The following SYK variants were observed in gnomAD, a reference collection of about 807,000 sequenced individuals.
SYK encodes the protein spleen associated tyrosine kinase, also known as tyrosine-protein kinase SYK.
SYK carries 16 observed loss-of-function variants against 77.8 expected under a neutral mutation model. That is an observed-to-expected ratio of 0.21 (90% CI 0.14 to 0.31). SYK has a LOEUF of 0.31. Ranked by LOEUF, SYK falls within the 10% of genes least tolerant of loss-of-function variation. The pLI, the probability that SYK is intolerant of heterozygous loss-of-function variation, is 1.00. For synonymous variants in SYK, 312 were observed against 308.7 expected, an observed-to-expected ratio of 1.01 and a Z score of -0.11; for missense variants, 529 against 814.4, an observed-to-expected ratio of 0.65 and a Z score of 4.26.
At chr9:90,839,653 C>T (rs1826220151) in intron 1 of SYK, among the ~76,000 whole-genome samples, 2 of 152,150 alleles carry the variant, frequency 1.3e-5, no homozygotes, top group Non-Finnish European at 2.9e-5. Flanking sequence ...AGTATTTGCT[C>T]TCATTTTATT....
intron 1 of SYK, among the ~76,000 whole-genome samples, chr9:90,841,678 TTGTG>T (rs1826354018): frequency 6.6e-6 from 1 of 150,640 alleles, no homozygotes; most frequent in Non-Finnish European, 1.5e-5. Flanking sequence ...TGTATGTAGT[TTGTG>T]TGTGATATGT....
chr9:90,801,837 G>A lies in SYK; in HGVS notation c.-98G>A, dbSNP rs1217095450. On this transcript the variant is annotated 5_prime_UTR_variant, in exon 1 of 14. Coordinates refer to ENST00000375754, the MANE Select transcript of SYK (RefSeq NM_003177.7). ...TGAGGCCACCCCGGCGGCGGCTGGA[G>A]AGCGAGGAGGAGCGGGTGGCCCCGC... 2 of 152,368 alleles carry A rather than the reference G, an allele frequency of 1.3e-5. No individual in the cohort carries two copies. Among genetic ancestry groups the A allele is most frequent in the East Asian group, 3.9e-4 (2 of 5,182 alleles). 9.4% of individuals were successfully genotyped at this position (152,368 alleles called of 1,614,324 possible). A position where few individuals can be genotyped will look rare whatever the true frequency, so the allele number is the denominator to read the frequency against.
intron 3 of SYK, among the ~76,000 whole-genome samples, chr9:90,861,524 TCCA>T (rs2118777851): frequency 5.5e-5 from 2 of 36,162 alleles, no homozygotes; most frequent in East Asian, 4.9e-3. Flanking sequence ...AGCTTGGAAG[TCCA>T]GCCCTGCCTC....
At chr9:90,807,074 A>C (rs1481706495) in intron 1 of SYK, among the ~76,000 whole-genome samples, 1 of 152,232 alleles carries the variant, frequency 6.6e-6, no homozygotes, top group Non-Finnish European at 1.5e-5. Context: ...AAGCAGGGAT[A>C]AATATCATGG....
In SYK at chr9:90,844,170, A is replaced by G; in HGVS notation, c.272A>G (p.Tyr91Cys). The change falls in exon 2 of 14, where the codon TAC (tyrosine) becomes TGC (cysteine). Residue 91 changes from tyrosine (Y) to cysteine (C), a missense_variant. Tyr to Cys is a radical substitution (Grantham distance 194, BLOSUM62 -2). This residue lies in a region of SYK where 321 missense variants were observed against 433.1 expected (regional missense o/e 0.74). Transcript: ENST00000375754. Reference protein sequence around the residue: ...THASPADLCHYHSQESDGLVC... With the variant: ...THASPADLCHCHSQESDGLVC... ...GCCAGCCCCGCCGACCTCTGCCACT[A>G]CCACTCCCAGGAGTCTGATGGCCTG... 1.2e-6 allele frequency: 2 copies of G among 1,614,168 alleles called. No individual in the cohort carries two copies. Among genetic ancestry groups the G allele is most frequent in the Non-Finnish European group, 1.7e-6 (2 of 1,180,010 alleles).
At chr9:90,856,661 T>A (rs1188485821) in intron 3 of SYK, among the ~76,000 whole-genome samples, 1 of 152,204 alleles carries the variant, frequency 6.6e-6, no homozygotes, top group Non-Finnish European at 1.5e-5. Context: ...TATTGGTTGC[T>A]AATTTCCATG....
chr9:90,875,414 C>CA lies in SYK; in HGVS notation c.1181+573dup, dbSNP rs201486869. Among the ~76,000 whole-genome samples, 213 of 131,144 alleles carry CA rather than the reference C, an allele frequency of 1.6e-3. 2 individuals carry two copies. The highest frequency in any genetic ancestry group is 5.5e-3 in the African/African-American group (192 of 34,896). The allele number at this position is 131,144 out of a possible 152,430, so 86.0% of individuals were successfully genotyped here. On this transcript the variant is annotated intron_variant, in intron 9 of 13. Coordinates refer to ENST00000375754, the MANE Select transcript of SYK (RefSeq NM_003177.7). The stretch of plus-strand genomic sequence containing the variant: ...CAAGGCCCTGTTTCAAAAAACAAAA[C>CA]AAAAAAAAGAAAAGAAGAACATCAT...
rs1587936355 is a variant in SYK, at chr9:90,896,801, T to C, written c.*1201T>C. The C allele has an allele frequency of 4.6e-6, 1 of 218,092 alleles. No individual in the cohort carries two copies. The highest frequency in any genetic ancestry group is 2.2e-5 in the African/African-American group (1 of 44,604). The allele number at this position is 218,092 out of a possible 1,614,324, so 13.5% of individuals were successfully genotyped here. On this transcript the variant is annotated 3_prime_UTR_variant, in exon 14 of 14. Transcript: ENST00000375754. The stretch of plus-strand genomic sequence containing the variant: ...CAGCACTTTAGGAGGCCGAGGCGGG[T>C]GGATCACTTGAGGTAAGGAGTTTGA...
At chr9:90,838,636 T>G (rs990022408) in intron 1 of SYK, among the ~76,000 whole-genome samples, 2 of 152,030 alleles carry the variant, frequency 1.3e-5, no homozygotes, top group Non-Finnish European at 2.9e-5. Flanking sequence ...GGGGTACAGG[T>G]GGAGTTAAGG....
rs3056977 is a variant in SYK, at chr9:90,846,699, T to TAAAAAA, written c.578+1118_578+1123dup. ...AAAGAAAAATTGACCACAATACTCT[T>TAAAAAA]AAAAAAAAAAAAAAAAAAGGAAGAA... On this transcript the variant is annotated intron_variant, in intron 3 of 13. Coordinates refer to ENST00000375754, the MANE Select transcript of SYK (RefSeq NM_003177.7). 1.3e-4 allele frequency among the ~76,000 whole-genome samples: 17 copies of TAAAAAA among 129,046 alleles called. No homozygotes were observed. The East Asian group carries it at 2.9e-3, about 22-fold the overall frequency. The allele number at this position is 129,046 out of a possible 152,430, so 84.7% of individuals were successfully genotyped here.
intron 1 of SYK, among the ~76,000 whole-genome samples, chr9:90,825,131 A>AC (rs1056422233): frequency 3.3e-5 from 5 of 152,146 alleles, no homozygotes; most frequent in South Asian, 2.1e-4. Flanking sequence ...AAAAAAAAAA[A>AC]ACACAAGAAA....
chr9:90,818,748 C>G (rs1825394326), intron 1 of SYK, among the ~76,000 whole-genome samples: 1 of 152,156 alleles, frequency 6.6e-6, no homozygotes, highest in African/African-American at 2.4e-5. Flanking sequence ...AAGCTATAAC[C>G]TTTTATGGAT....
chr9:90,879,037 T>C, intron 11 of SYK, 84 bp downstream of exon 11: 13 of 1,113,680 alleles, frequency 1.2e-5, no homozygotes, highest in Non-Finnish European at 1.7e-5. Context: ...TTATTATTGG[T>C]ATGGTTTCAA....
intron 3 of SYK, among the ~76,000 whole-genome samples, chr9:90,848,044 G>A (rs1415267505): frequency 6.6e-6 from 1 of 152,136 alleles, no homozygotes; most frequent in Admixed American, 6.5e-5. Context: ...CTTCCTTGTT[G>A]CAGTGTAGTG....
chr9:90,863,620 C>G (rs1437287804), intron 4 of SYK, among the ~76,000 whole-genome samples: 1 of 152,144 alleles, frequency 6.6e-6, no homozygotes, highest in East Asian at 1.9e-4. Context: ...TCATCATTAA[C>G]CACAGGCTTC....
intron 1 of SYK, among the ~76,000 whole-genome samples, chr9:90,822,086 G>T (rs946184868): frequency 6.6e-6 from 1 of 152,152 alleles, no homozygotes. Context: ...GCTACTACTT[G>T]CTAATTCAGT....
intron 1 of SYK, among the ~76,000 whole-genome samples, chr9:90,820,645 AC>A (rs141963401): frequency 0.016 from 2,370 of 151,920 alleles, 60 homozygotes; most frequent in African/African-American, 0.054. Context: ...CCACGAAACC[AC>A]TTTTTCCTCC....
chr9:90,855,126 G>A (rs948514674), intron 3 of SYK, among the ~76,000 whole-genome samples: 4 of 151,932 alleles, frequency 2.6e-5, no homozygotes, highest in Non-Finnish European at 5.9e-5. Flanking sequence ...ATTCTCCGTG[G>A]TTTATCCTAA....
chr9:90,805,119 C>T (rs1824767953), intron 1 of SYK, among the ~76,000 whole-genome samples: 3 of 152,128 alleles, frequency 2.0e-5, no homozygotes, highest in African/African-American at 7.2e-5. Flanking sequence ...CCAAATGGCT[C>T]CCTTGATTCT....
Sources: gnomAD v4.1 joint callset for allele counts (sites outside exome capture counted in the v4.1 genomes callset) on GRCh38, gnomAD v4.1.1 for gene constraint, gnomAD v4.1.1 regional missense constraint, MANE v1.5 for transcripts, NCBI Gene and HGNC (gene_info 2026-07-23, HGNC 2026-07-21) for gene names.